Variants in ANKRD62 observed in about 807,000 individuals in gnomAD.
ANKRD62 encodes ankyrin repeat domain-containing protein 62.
A neutral mutation model predicts 98.8 loss-of-function variants in ANKRD62; 61 were observed. The observed-to-expected ratio is 0.62, with a 90% confidence interval of 0.50 to 0.76. The LOEUF (loss-of-function observed/expected upper bound fraction) is 0.76. Among genes scored for constraint, ANKRD62 ranks in the 30% least tolerant of loss-of-function variants. The pLI is 0.00. For synonymous variants in ANKRD62, 341 were observed against 367.9 expected (o/e 0.93, Z 0.84); for missense variants, 933 against 1,082.9 (o/e 0.86, Z 1.94).
chr18:12,156,740 T>A, the ANKRD62 span, among the ~76,000 whole-genome samples: 1 of 152,072 alleles, frequency 6.6e-6, no homozygotes, highest in East Asian at 1.9e-4. Flanking sequence ...ACCATTTAGT[T>A]CTCTCTTGAA....
At chr18:12,181,257 AATATG>A in the ANKRD62 span, among the ~76,000 whole-genome samples, 1 of 152,234 alleles carries the variant, frequency 6.6e-6, no homozygotes, top group East Asian at 1.9e-4. Flanking sequence ...ATGATTTCAA[AATATG>A]ATATGGTAGA....
chr18:12,141,281 T>G, the ANKRD62 span, among the ~76,000 whole-genome samples: 4 of 152,214 alleles, frequency 2.6e-5, no homozygotes, highest in African/African-American at 9.6e-5. Context: ...GAAAGGGAAT[T>G]CCCTGACCCC....
chr18:12,137,373 C>A, the ANKRD62 span, among the ~76,000 whole-genome samples: 2 of 152,182 alleles, frequency 1.3e-5, no homozygotes, highest in African/African-American at 4.8e-5. Flanking sequence ...TATGTTGAAC[C>A]AGCCTTGCAT....
downstream of ANKRD62, among the ~76,000 whole-genome samples, chr18:12,134,690 C>G (rs1910055128): frequency 6.6e-6 from 1 of 152,090 alleles, no homozygotes; most frequent in Non-Finnish European, 1.5e-5. Flanking sequence ...CATGTCCCTA[C>G]AAAGGACATG....
At position 12,096,198 on chromosome 18, in the gene ANKRD62, T is replaced by C. The variant is rs765444175; in HGVS notation, c.510T>C (p.Asp170=). The C allele has an allele frequency of 2.0e-6, 3 of 1,524,136 alleles. No individual in the cohort carries two copies. In the South Asian group the frequency reaches 3.7e-5, roughly 19 times the overall value. 94.4% of individuals were successfully genotyped at this position (1,524,136 alleles called of 1,614,324 possible). The change falls in exon 4 of 14, where the codon GAT becomes GAC. Residue 170 remains aspartate (D), a splice_region_variant and synonymous_variant. Transcript: ENST00000587848. ...YGADIEARSQ[D]GHTSLLLAVN... ...AAATTGTTTTTGCTGTTTTGCAGGATGGACATACATCACTTTTACTCGCTG... is the reference window on the plus strand; with the variant it reads ...AAATTGTTTTTGCTGTTTTGCAGGACGGACATACATCACTTTTACTCGCTG...
chr18:12,125,982 C>T lies in ANKRD62; in HGVS notation c.2161C>T (p.His721Tyr), dbSNP rs1344822586. The change falls in exon 13 of 14, where the codon CAT (histidine) becomes TAT (tyrosine). Residue 721 changes from histidine (H) to tyrosine (Y), a missense_variant. His to Tyr is a moderately conservative substitution (Grantham distance 83, BLOSUM62 2). Coordinates refer to ENST00000587848, the MANE Select transcript of ANKRD62 (RefSeq NM_001277333.2). ...STSSGLETEL[H>Y]YEREALKEKT... ...ATCCAGTGGCCTGGAAACTGAGCTC[C>T]ATTATGAAAGAGAGGCTCTCAAAGA... is the stretch of plus-strand genomic sequence containing the variant. 7 of 1,537,188 alleles carry T rather than the reference C, an allele frequency of 4.6e-6. No individual in the cohort carries two copies. The highest frequency in any genetic ancestry group is 1.2e-5 in the South Asian group (1 of 84,060).
chr18:12,177,236 G>A, the ANKRD62 span, among the ~76,000 whole-genome samples: 3 of 152,132 alleles, frequency 2.0e-5, no homozygotes, highest in African/African-American at 7.2e-5. Flanking sequence ...ACCTTCTGTG[G>A]GGAGAGTAAA....
At chr18:12,151,083 A>G in the ANKRD62 span, among the ~76,000 whole-genome samples, 6 of 152,330 alleles carry the variant, frequency 3.9e-5, no homozygotes, top group African/African-American at 1.2e-4. Context: ...AAATAAAGGG[A>G]TGGAGGAAAA....
chr18:12,102,607 G>A, intron 6 of ANKRD62: 2 of 517,234 alleles, frequency 3.9e-6, no homozygotes, highest in Non-Finnish European at 2.6e-6. Context: ...CTGTTTGTCT[G>A]GGGAAAGAGC....
chr18:12,100,926 T>C (rs1002414347), intron 6 of ANKRD62, among the ~76,000 whole-genome samples: 5 of 152,198 alleles, frequency 3.3e-5, no homozygotes, highest in African/African-American at 1.2e-4. Flanking sequence ...ATAGTAAAAG[T>C]ACAGCAACCA....
Position 12,128,490 on chromosome 18 carries a change from C to T in ANKRD62, c.*551C>T, listed in dbSNP as rs183085419. The stretch of plus-strand genomic sequence containing the variant: ...TACTTTCTCTTGCTTAAAACAAAAA[C>T]AAAAAACTTTACAAATGGGGTTATA... On this transcript the variant is annotated 3_prime_UTR_variant, in exon 14 of 14. Transcript: ENST00000587848. 8 of 152,248 alleles carry T rather than the reference C, an allele frequency of 5.3e-5. No homozygotes were observed. The highest frequency in any genetic ancestry group is 1.9e-4 in the African/African-American group (8 of 41,534). 9.4% of individuals were successfully genotyped at this position (152,248 alleles called of 1,614,324 possible).
the ANKRD62 span, among the ~76,000 whole-genome samples, chr18:12,167,904 T>C: frequency 1.2e-4 from 18 of 152,248 alleles, no homozygotes; most frequent in Non-Finnish European, 2.6e-4. Context: ...TTTTTTCATG[T>C]GTCTATTGGC....
At chr18:12,166,810 G>A in the ANKRD62 span, among the ~76,000 whole-genome samples, 7 of 152,036 alleles carry the variant, frequency 4.6e-5, no homozygotes, top group South Asian at 1.5e-3. Flanking sequence ...GTGCTGTGTT[G>A]GTTTGCTGCA....
At chr18:12,176,461 C>G in the ANKRD62 span, among the ~76,000 whole-genome samples, 1 of 132,464 alleles carries the variant, frequency 7.5e-6, no homozygotes, top group Non-Finnish European at 1.6e-5. Flanking sequence ...AGAGCACACT[C>G]CGTTGTTATT....
intron 8 of ANKRD62, among the ~76,000 whole-genome samples, chr18:12,111,572 A>G (rs1181983339): frequency 6.6e-6 from 1 of 152,168 alleles, no homozygotes; most frequent in East Asian, 1.9e-4. Context: ...ATCCATCAAG[A>G]GAAAGAAATA....
At chr18:12,108,506 A>G (rs1189718690) in intron 8 of ANKRD62, among the ~76,000 whole-genome samples, 2 of 152,172 alleles carry the variant, frequency 1.3e-5, no homozygotes, top group South Asian at 2.1e-4. Context: ...TCTGACAGGT[A>G]GGGATTATGA....
At chr18:12,098,024 T>A (rs1036891774) in intron 5 of ANKRD62, among the ~76,000 whole-genome samples, 1 of 152,240 alleles carries the variant, frequency 6.6e-6, no homozygotes, top group Non-Finnish European at 1.5e-5. Flanking sequence ...AGTCCCTTGT[T>A]TGTCTTCTCT....
chr18:12,152,710 C>T, the ANKRD62 span, among the ~76,000 whole-genome samples: 1 of 152,154 alleles, frequency 6.6e-6, no homozygotes, highest in African/African-American at 2.4e-5. Flanking sequence ...ATATTCAACA[C>T]AGTATTGGAA....
intron 10 of ANKRD62, among the ~76,000 whole-genome samples, chr18:12,116,580 G>A (rs1014488677): frequency 3.4e-4 from 52 of 152,090 alleles, no homozygotes; most frequent in African/African-American, 1.2e-3. Flanking sequence ...AACACTTCTG[G>A]TCCCAAGCAT....
Sources: allele counts gnomAD v4.1 joint callset (sites outside exome capture counted in the v4.1 genomes callset), GRCh38; gene constraint gnomAD v4.1.1; transcripts MANE v1.5; gene names NCBI Gene and HGNC (gene_info 2026-07-23, HGNC 2026-07-21).